EVL: variants seen among roughly 807,000 people sequenced by gnomAD.
The protein encoded by EVL is ena/VASP-like protein.
In EVL, 21 loss-of-function variants were observed where a neutral mutation model predicts 59.6. The ratio of observed to expected loss-of-function variants is 0.35; its 90% CI spans 0.25 to 0.51. The LOEUF (loss-of-function observed/expected upper bound fraction) is 0.51, where lower values mean the gene tolerates loss of function less well. Among genes scored for constraint, EVL ranks in the 20% least tolerant of loss-of-function variants. The pLI is 0.97. For missense variants in EVL, 462 were observed against 546.6 expected (o/e 0.85, Z 1.54); for synonymous variants, 198 against 203.5 (o/e 0.97, Z 0.23).
chr14:99,995,568 C>A (rs1487949153), intron 1 of EVL, among the ~76,000 whole-genome samples: 3 of 152,040 alleles, frequency 2.0e-5, no homozygotes, highest in Admixed American at 6.5e-5. Flanking sequence ...ATTTTGAATT[C>A]TTTGGTAATT....
At chr14:100,024,031 G>A (rs1366226564) in intron 1 of EVL, among the ~76,000 whole-genome samples, 1 of 152,120 alleles carries the variant, frequency 6.6e-6, no homozygotes, top group Non-Finnish European at 1.5e-5. Flanking sequence ...CAGAACTCCT[G>A]GTATTTGACT....
At chr14:100,137,465 G>A (rs1358110452) in intron 9 of EVL, 113 bp from the exon 10 acceptor site, 3 of 1,125,506 alleles carry the variant, frequency 2.7e-6, no homozygotes, top group Admixed American at 3.6e-5. Context: ...CCTGCCACGG[G>A]GCTCTGCACC....
At chr14:100,099,008 A>C (rs1170411240) in intron 3 of EVL, among the ~76,000 whole-genome samples, 4 of 152,166 alleles carry the variant, frequency 2.6e-5, no homozygotes, top group Admixed American at 6.5e-5. Context: ...GTGGGAAATG[A>C]AGAGACATAG....
chr14:99,980,061 G>C (rs2060796698), intron 1 of EVL, among the ~76,000 whole-genome samples: 1 of 152,146 alleles, frequency 6.6e-6, no homozygotes, highest in Non-Finnish European at 1.5e-5. Context: ...ATATACCTGG[G>C]CTATATGCAA....
chr14:100,118,888 G>A (rs1398737983), intron 3 of EVL, among the ~76,000 whole-genome samples: 1 of 152,258 alleles, frequency 6.6e-6, no homozygotes, highest in Non-Finnish European at 1.5e-5. Context: ...AAGCTGGAAA[G>A]TGGGCCTCCA....
At chr14:100,014,911 G>A (rs1184896867) in intron 1 of EVL, among the ~76,000 whole-genome samples, 1 of 152,210 alleles carries the variant, frequency 6.6e-6, no homozygotes, top group East Asian at 1.9e-4. Context: ...CATGAGAAAA[G>A]AATAGTATTT....
At position 100,031,186 on chromosome 14, in the gene EVL, A is replaced by T. The variant is rs76075478; in HGVS notation, c.6-53501A>T. Among the ~76,000 whole-genome samples, 905 of 152,296 alleles carry T rather than the reference A, an allele frequency of 5.9e-3. 5 individuals are homozygous for T. Among genetic ancestry groups the T allele is most frequent in the African/African-American group, 0.021 (860 of 41,564 alleles). On this transcript the variant is annotated intron_variant, in intron 1 of 13. Transcript: ENST00000402714. ...ACTGGGAAGGCCCATTGCAATCTAA[A>T]GACAGGTGCCCAGGCCACTCCTCAA...
chr14:100,084,960 A>G (rs1325162249), intron 2 of EVL, 105 bp downstream of exon 2: 19 of 1,287,088 alleles, frequency 1.5e-5, no homozygotes, highest in South Asian at 5.7e-5. Context: ...AAAAAGGTCA[A>G]TATTCGGAAT....
intron 1 of EVL, among the ~76,000 whole-genome samples, chr14:99,985,622 C>T (rs2060834961): frequency 6.6e-6 from 1 of 152,034 alleles, no homozygotes; most frequent in South Asian, 2.1e-4. Context: ...ACAAGATTAG[C>T]TGGGTGTGGT....
rs961379327 is a variant in EVL, at chr14:100,084,709, C to T, written c.34C>T (p.Arg12Trp). The change falls in exon 2 of 14, where the codon CGG (arginine) becomes TGG (tryptophan). Residue 12 changes from arginine to tryptophan, a missense_variant. Transcript: ENST00000392920. ...CAGTGAACAGAGTATCTGCCAAGCCCGGGCTTCCGTGATGGTCTACGATGA... is the reference window on the plus strand; with the variant it reads ...CAGTGAACAGAGTATCTGCCAAGCCTGGGCTTCCGTGATGGTCTACGATGA... ...ATSEQSICQA[R>W]ASVMVYDDTS... 6.8e-6 allele frequency: 11 copies of T among 1,614,062 alleles called. No homozygotes were observed. Among genetic ancestry groups the T allele is most frequent in the African/African-American group, 2.7e-5 (2 of 75,006 alleles).
chr14:100,108,897 C>T lies in EVL; in HGVS notation c.358+11239C>T, dbSNP rs929176957. On this transcript the variant is annotated intron_variant, in intron 3 of 13. Coordinates refer to ENST00000392920, the MANE Select transcript of EVL (RefSeq NM_016337.3). The surrounding 1 kb of genome is among the most constrained non-coding windows in gnomAD (Gnocchi z 4.1). ...GTCAGGTTGGAAATTCAGAAAGTGGCCTCTTTGTCTCTGGACCCCAAAAAC... is the reference window on the plus strand; with the variant it reads ...GTCAGGTTGGAAATTCAGAAAGTGGTCTCTTTGTCTCTGGACCCCAAAAAC... Among the ~76,000 whole-genome samples the T allele has an allele frequency of 5.8e-4, 89 of 152,204 alleles. No individual in the cohort carries two copies. Among genetic ancestry groups the T allele is most frequent in the African/African-American group, 1.9e-3 (80 of 41,446 alleles).
At chr14:100,126,521 C>T (rs371689947) in intron 4 of EVL, among the ~76,000 whole-genome samples, 186 bp from the exon 5 acceptor site, 5 of 152,196 alleles carry the variant, frequency 3.3e-5, no homozygotes, top group African/African-American at 4.8e-5. Context: ...CTCCCACTTG[C>T]GGGAGCTGGA....
intron 2 of EVL, among the ~76,000 whole-genome samples, chr14:100,092,833 CA>C (rs2062593648): frequency 6.6e-6 from 1 of 152,128 alleles, no homozygotes; most frequent in African/African-American, 2.4e-5. Context: ...AAGCCAGAAA[CA>C]AAAGAGTACA....
chr14:100,091,757 G>A (rs985755769), intron 2 of EVL, among the ~76,000 whole-genome samples: 2 of 152,176 alleles, frequency 1.3e-5, no homozygotes, highest in Admixed American at 6.5e-5. Context: ...TTTATAGCCC[G>A]TGGGTCGGAA....
At chr14:100,065,629 C>A in intron 1 of EVL, 118 bp downstream of exon 1, 1 of 503,474 alleles carries the variant, frequency 2.0e-6, no homozygotes, top group South Asian at 6.9e-5. Context: ...TCGAGAAGTC[C>A]ATGACCAGAG....
At chr14:100,092,597 T>C (rs1199983351) in intron 2 of EVL, among the ~76,000 whole-genome samples, 1 of 151,938 alleles carries the variant, frequency 6.6e-6, no homozygotes, top group Non-Finnish European at 1.5e-5. Flanking sequence ...TAGCCAGGTG[T>C]AATGGCATGC....
chr14:100,076,964 A>G (rs1431547091), intron 1 of EVL, among the ~76,000 whole-genome samples: 9 of 152,254 alleles, frequency 5.9e-5, no homozygotes, highest in Non-Finnish European at 7.3e-5. Context: ...AGACAACCCT[A>G]TAAAGAAGAT....
chr14:99,986,610 A>G (rs1299948325), intron 1 of EVL, among the ~76,000 whole-genome samples: 2 of 152,216 alleles, frequency 1.3e-5, no homozygotes, highest in African/African-American at 4.8e-5. Context: ...CACATATGGT[A>G]ATAATTGCAC....
chr14:100,128,967 G>T (rs1031452171), intron 6 of EVL, among the ~76,000 whole-genome samples: 1 of 152,196 alleles, frequency 6.6e-6, no homozygotes, highest in Non-Finnish European at 1.5e-5. Context: ...ACCTTCACAC[G>T]TGGGGCAAGA....
Sources: gnomAD v4.1 joint callset for allele counts (sites outside exome capture counted in the v4.1 genomes callset) on GRCh38, gnomAD v4.1.1 for gene constraint, Gnocchi (gnomAD v3.1) non-coding constraint, MANE v1.5 for transcripts, NCBI Gene and HGNC (gene_info 2026-07-23, HGNC 2026-07-21) for gene names.